The following TANC1 variants were observed in gnomAD, a reference collection of about 807,000 sequenced individuals.
TANC1 encodes the protein protein TANC1.
In TANC1, 77 loss-of-function variants were observed where a neutral mutation model predicts 149.7. The observed-to-expected ratio is 0.51, with a 90% CI of 0.43 to 0.62. TANC1 has a LOEUF of 0.62. Among genes scored for constraint, TANC1 ranks in the 20% least tolerant of loss-of-function variants. TANC1 has a pLI of 0.00. For missense variants in TANC1, 1,985 were observed against 2,321.8 expected (o/e 0.85, Z 2.98); for synonymous variants, 854 against 925.0 (o/e 0.92, Z 1.39).
intron 2 of TANC1, among the ~76,000 whole-genome samples, chr2:159,021,339 G>T (rs192475479): frequency 1.3e-5 from 2 of 152,290 alleles, no homozygotes; most frequent in Admixed American, 6.5e-5. Flanking sequence ...AGTGAGGAGG[G>T]CAGGGTTTGT....
rs189650920 is a variant in TANC1, at chr2:159,008,275, A to T, written c.-16+7086A>T. 4.5e-3 allele frequency among the ~76,000 whole-genome samples: 692 copies of T among 152,296 alleles called. 5 individuals carry two copies. Among genetic ancestry groups the T allele is most frequent in the African/African-American group, 0.016 (646 of 41,554 alleles). On this transcript the variant is annotated intron_variant, in intron 2 of 26. Coordinates refer to ENST00000263635, the MANE Select transcript of TANC1 (RefSeq NM_033394.3). The stretch of plus-strand genomic sequence containing the variant: ...TGGTAGTCCAGGTCATTACTTGCAA[A>T]TTGATGAGTCCTGTAGCCATAAAAT...
rs563722451 is a variant in TANC1, at chr2:159,025,637, C to CT, written c.-16+24456dup. On this transcript the variant is annotated intron_variant, in intron 2 of 26. Transcript: ENST00000263635. ...ACAGGTTTCAGTATCTAAGGGATTC[C>CT]TTTTTTTTAGCACAGTAAGTTTTTC... Among the ~76,000 whole-genome samples the CT allele has an allele frequency of 4.9e-3, 740 of 151,890 alleles. 5 individuals are homozygous for CT. The highest frequency in any genetic ancestry group is 0.016 in the African/African-American group (643 of 41,430).
intron 11 of TANC1, 57 bp from the exon 12 acceptor site, chr2:159,174,896 G>A: frequency 2.2e-6 from 3 of 1,344,700 alleles, no homozygotes; most frequent in South Asian, 1.2e-5. Context: ...GTTTGAGATT[G>A]CAGAAGGAGC....
chr2:158,988,670 A>T (rs1051146843), intron 1 of TANC1, among the ~76,000 whole-genome samples: 1 of 152,160 alleles, frequency 6.6e-6, no homozygotes, highest in Non-Finnish European at 1.5e-5. Flanking sequence ...GTCACTTAAC[A>T]GGAGCCAATT....
At chr2:159,042,648 A>G (rs1012247543) in intron 2 of TANC1, among the ~76,000 whole-genome samples, 2 of 151,968 alleles carry the variant, frequency 1.3e-5, no homozygotes, top group African/African-American at 4.8e-5. Context: ...GCACAGAGAA[A>G]GGGCTGGCAA....
rs746699129 is a variant in TANC1 at position 159,136,178 on chromosome 2, A to G, written c.260-16A>G. 7.3e-6 allele frequency: 11 copies of G among 1,504,316 alleles called. No homozygotes were observed. The highest frequency in any genetic ancestry group is 1.0e-5 in the Non-Finnish European group (11 of 1,079,670). The allele number at this position is 1,504,316 out of a possible 1,614,324, so 93.2% of individuals were successfully genotyped here. A position where few individuals can be genotyped will look rare whatever the true frequency, so the allele number is the denominator to read the frequency against. ...TCTGGAAAAAATTAGCCACACTCAGATCTTTCCCACTACAGGTCCCGTCAG... is the reference window on the plus strand; with the variant it reads ...TCTGGAAAAAATTAGCCACACTCAGGTCTTTCCCACTACAGGTCCCGTCAG... On this transcript the variant is annotated splice_polypyrimidine_tract_variant and intron_variant, in intron 4 of 26. Transcript: ENST00000263635.
At chr2:159,205,970 C>T (rs960326239) in intron 19 of TANC1, among the ~76,000 whole-genome samples, 1 of 152,244 alleles carries the variant, frequency 6.6e-6, no homozygotes, top group African/African-American at 2.4e-5. Flanking sequence ...TCCTGAGCAT[C>T]TCACCAGTAC....
chr2:159,114,238 C>A (rs2048020279), intron 4 of TANC1, among the ~76,000 whole-genome samples: 1 of 152,126 alleles, frequency 6.6e-6, no homozygotes, highest in Non-Finnish European at 1.5e-5. Flanking sequence ...AACTGTCCTC[C>A]TGAGGGGAGG....
At chr2:159,157,825 T>A (rs1175309005) in intron 7 of TANC1, among the ~76,000 whole-genome samples, 1 of 152,226 alleles carries the variant, frequency 6.6e-6, no homozygotes, top group Non-Finnish European at 1.5e-5. Flanking sequence ...AGTGCTACTT[T>A]ATTTTTCTTC....
At position 159,179,217 on chromosome 2, in the gene TANC1, G is replaced by A; in HGVS notation, c.2510+54G>A. Reference sequence around the variant, plus strand: ...TGCAGGGAATCTCGTGTGCAGTTGGGGAAAGGATTTAAATGTGATGCACGT... The same window carrying A: ...TGCAGGGAATCTCGTGTGCAGTTGGAGAAAGGATTTAAATGTGATGCACGT... On this transcript the variant is annotated intron_variant, in intron 14 of 26. Transcript: ENST00000263635. 1.3e-6 allele frequency: 2 copies of A among 1,556,474 alleles called. 1 individual carries two copies. The highest frequency in any genetic ancestry group is 2.5e-5 in the South Asian group (2 of 80,996).
intron 5 of TANC1, among the ~76,000 whole-genome samples, chr2:159,141,147 T>C (rs2051329464): frequency 6.6e-6 from 1 of 152,212 alleles, no homozygotes; most frequent in Admixed American, 6.5e-5. Context: ...GGATGGAAAG[T>C]CCAAGATCAA....
intron 16 of TANC1, among the ~76,000 whole-genome samples, chr2:159,193,628 G>T (rs2150691568): frequency 6.6e-6 from 1 of 152,134 alleles, no homozygotes; most frequent in East Asian, 1.9e-4. Flanking sequence ...GGGTTCAAGC[G>T]ATTCTCCTGC....
At chr2:159,076,130 A>G (rs1044682537) in intron 3 of TANC1, among the ~76,000 whole-genome samples, 16 of 151,914 alleles carry the variant, frequency 1.1e-4, no homozygotes, top group African/African-American at 3.9e-4. Context: ...ATGCCCTTGT[A>G]CTTGTTTTTT....
At chr2:159,076,049 C>A (rs914541106) in intron 3 of TANC1, among the ~76,000 whole-genome samples, 26 of 152,242 alleles carry the variant, frequency 1.7e-4, no homozygotes, top group African/African-American at 6.3e-4. Context: ...ATTAGCATTT[C>A]TTTGAGATTG....
At chr2:159,029,182 C>CT (rs1024540555) in intron 2 of TANC1, among the ~76,000 whole-genome samples, 2 of 152,114 alleles carry the variant, frequency 1.3e-5, no homozygotes, top group African/African-American at 2.4e-5. Flanking sequence ...TCAGGATTTC[C>CT]TTTTTTTATG....
intron 4 of TANC1, among the ~76,000 whole-genome samples, chr2:159,105,635 G>T (rs1001387251): frequency 9.9e-5 from 15 of 152,154 alleles, no homozygotes; most frequent in Admixed American, 3.9e-4. Context: ...CTCCTGCTTT[G>T]TTTCTATAGT....
chr2:159,129,865 C>T (rs1000549962), intron 4 of TANC1, among the ~76,000 whole-genome samples: 5 of 152,212 alleles, frequency 3.3e-5, no homozygotes, highest in Non-Finnish European at 5.9e-5. Context: ...ACAGCCACTG[C>T]ACTTCACTTG....
chr2:159,190,468 A>G (rs909814889), intron 16 of TANC1, among the ~76,000 whole-genome samples: 1 of 152,112 alleles, frequency 6.6e-6, no homozygotes. Flanking sequence ...ATAAAATCCT[A>G]TTTCTTCAGC....
chr2:159,129,096 C>T (rs997908626), intron 4 of TANC1, among the ~76,000 whole-genome samples: 17 of 152,144 alleles, frequency 1.1e-4, no homozygotes, highest in African/African-American at 3.9e-4. Context: ...TACAGTGTCA[C>T]TTTTCACAGC....
Sources: allele counts gnomAD v4.1 joint callset (sites outside exome capture counted in the v4.1 genomes callset), GRCh38; gene constraint gnomAD v4.1.1; transcripts MANE v1.5; gene names NCBI Gene and HGNC (gene_info 2026-07-23, HGNC 2026-07-21).